Variants in RALGAPA1 observed in about 807,000 individuals in gnomAD.
RALGAPA1 encodes the protein ral GTPase-activating protein subunit alpha-1.
In RALGAPA1, 52 loss-of-function variants were observed where a neutral mutation model predicts 269.6. The ratio of observed to expected loss-of-function variants is 0.19; its 90% CI spans 0.15 to 0.24. RALGAPA1 has a LOEUF of 0.24. Ranked by LOEUF, RALGAPA1 falls within the 10% of genes least tolerant of loss-of-function variation. The pLI, the probability that RALGAPA1 is intolerant of heterozygous loss-of-function variation, is 1.00. For missense variants in RALGAPA1, 1,917 were observed against 3,013.9 expected, an observed-to-expected ratio of 0.64 and a Z score of 8.52; for synonymous variants, 817 against 1,008.3, an observed-to-expected ratio of 0.81 and a Z score of 3.60.
rs771974534 is a variant in RALGAPA1 at position 35,775,025 on chromosome 14, G to A, written c.248C>T (p.Ala83Val). The A allele has an allele frequency of 6.4e-7, 1 of 1,571,138 alleles. No individual in the cohort carries two copies. Among genetic ancestry groups the A allele is most frequent in the East Asian group, 2.3e-5 (1 of 44,084 alleles). The change falls in exon 3 of 42, where the codon GCT (alanine) becomes GTT (valine). Residue 83 changes from alanine (A) to valine (V), a missense_variant. Physicochemically the swap from Ala to Val is moderately conservative, Grantham distance 64. This residue lies in a region of RALGAPA1 where 462 missense variants were observed against 725.6 expected (regional missense o/e 0.64). Transcript: ENST00000680220. Reference sequence around the variant, plus strand: ...ACTTACCTCAAAAATAAAAAGTATAGCATCCAATTCCTCTCTTTGAGACTT... The same window carrying A: ...ACTTACCTCAAAAATAAAAAGTATAACATCCAATTCCTCTCTTTGAGACTT... The part of the protein sequence containing the change: ...GHKSQREELD[A>V]ILFIFEKILQ...
intron 8 of RALGAPA1, 126 bp from the exon 9 acceptor site, chr14:35,750,816 C>T (rs944733622): frequency 1.3e-6 from 1 of 794,564 alleles, no homozygotes; most frequent in African/African-American, 1.7e-5. Flanking sequence ...AGCTTTAGCA[C>T]AGAAATGACA....
intron 33 of RALGAPA1, among the ~76,000 whole-genome samples, chr14:35,628,406 C>G (rs1165001583): frequency 1.3e-5 from 2 of 152,010 alleles, no homozygotes; most frequent in Admixed American, 6.6e-5. Context: ...CTAAAATTAG[C>G]CCAGTGTGGT....
At chr14:35,593,064 T>C (rs550045903) in intron 37 of RALGAPA1, among the ~76,000 whole-genome samples, 2 of 152,162 alleles carry the variant, frequency 1.3e-5, no homozygotes, top group Admixed American at 6.6e-5. Flanking sequence ...AGTGAAATTA[T>C]CTTTATTTGC....
chr14:35,769,418 A>C (rs140937872), intron 4 of RALGAPA1, among the ~76,000 whole-genome samples: 96 of 152,236 alleles, frequency 6.3e-4, no homozygotes, highest in African/African-American at 2.3e-3. Flanking sequence ...CATGGACGTA[A>C]AAATGGCAAT....
At chr14:35,622,603 A>G (rs2139519198) in intron 35 of RALGAPA1, among the ~76,000 whole-genome samples, 1 of 152,376 alleles carries the variant, frequency 6.6e-6, no homozygotes, top group East Asian at 1.9e-4. Flanking sequence ...ACAGAAATAA[A>G]CAGCTGTGAA....
At chr14:35,602,611 C>T (rs2059359776) in intron 36 of RALGAPA1, among the ~76,000 whole-genome samples, 1 of 152,146 alleles carries the variant, frequency 6.6e-6, no homozygotes, top group Non-Finnish European at 1.5e-5. Flanking sequence ...TATATCTTTT[C>T]TGGCGAAATG....
chr14:35,762,251 TTTTTGTTTTTG>T (rs1429222736), intron 5 of RALGAPA1, among the ~76,000 whole-genome samples: 7 of 151,898 alleles, frequency 4.6e-5, no homozygotes, highest in African/African-American at 1.7e-4. Flanking sequence ...CTACGTTTTT[TTTTTGTTTTTG>T]TTTTTGTTTT....
intron 16 of RALGAPA1, among the ~76,000 whole-genome samples, chr14:35,705,323 C>T (rs1482063077): frequency 1.3e-5 from 2 of 152,046 alleles, no homozygotes; most frequent in African/African-American, 4.8e-5. Context: ...CCTATTCATC[C>T]CTTCTTCTAG....
Position 35,672,875 on chromosome 14 carries a change from T to A in RALGAPA1, c.5065A>T (p.Ile1689Phe). The change falls in exon 25 of 42, where the codon ATT (isoleucine) becomes TTT (phenylalanine). Residue 1689 changes from isoleucine (I) to phenylalanine (F), a missense_variant. Physicochemically the swap from Ile to Phe is conservative, Grantham distance 21 (BLOSUM62 0). This residue lies in a region of RALGAPA1 where 346 missense variants were observed against 566.1 expected (regional missense o/e 0.61). Coordinates refer to ENST00000680220, the MANE Select transcript of RALGAPA1 (RefSeq NM_001346249.2). ...YNIMHCGLLH[I>F]DQDIVNTIIK... ...CATATATATATAGTTACCTGGTCAA[T>A]ATGAAGTAATCCACAATGCATTATA... 6.5e-7 allele frequency: 1 copy of A among 1,541,946 alleles called. No individual in the cohort carries two copies. The highest frequency in any genetic ancestry group is 2.4e-4 in the Middle Eastern group (1 of 4,238).
At chr14:35,786,025 T>TGCA (rs1268259295) in intron 1 of RALGAPA1, among the ~76,000 whole-genome samples, 1 of 151,968 alleles carries the variant, frequency 6.6e-6, no homozygotes, top group Non-Finnish European at 1.5e-5. Flanking sequence ...GGCGTGGTAG[T>TGCA]GCACACCTAT....
chr14:35,549,456 C>T (rs1207229584), intron 39 of RALGAPA1, among the ~76,000 whole-genome samples: 1 of 152,036 alleles, frequency 6.6e-6, no homozygotes, highest in Non-Finnish European at 1.5e-5. Flanking sequence ...GACAACTTAA[C>T]AGGGAGACAT....
intron 29 of RALGAPA1, 95 bp from the exon 30 acceptor site, chr14:35,654,572 G>T: frequency 7.3e-7 from 1 of 1,376,928 alleles, no homozygotes; most frequent in African/African-American, 1.5e-5. Flanking sequence ...TACATTTGTA[G>T]GATTATAAAT....
At chr14:35,734,079 C>T (rs1183483336) in intron 12 of RALGAPA1, among the ~76,000 whole-genome samples, 1 of 152,084 alleles carries the variant, frequency 6.6e-6, no homozygotes, top group African/African-American at 2.4e-5. Flanking sequence ...GCAAACACAT[C>T]CCATGCTCAT....
At position 35,688,513 on chromosome 14, in the gene RALGAPA1, G is replaced by C; in HGVS notation, c.3898C>G (p.Pro1300Ala). The change falls in exon 18 of 42, where the codon CCA (proline) becomes GCA (alanine). Residue 1300 changes from proline to alanine, a missense_variant. This residue lies in a region of RALGAPA1 where 615 missense variants were observed against 790.0 expected (regional missense o/e 0.78). Transcript: ENST00000680220. Reference protein sequence around the residue: ...QRQNRMPPEAPLRDLYSHVMG... With the variant: ...QRQNRMPPEAALRDLYSHVMG... Reference sequence around the variant, plus strand: ...ACATGACTGTACAGATCCCTCAGTGGAGCCTCTGGTGGCATTCTGTTCTGC... The same window carrying C: ...ACATGACTGTACAGATCCCTCAGTGCAGCCTCTGGTGGCATTCTGTTCTGC... 1 of 1,536,120 alleles carries C rather than the reference G, an allele frequency of 6.5e-7. No homozygotes were observed. The highest frequency in any genetic ancestry group is 8.7e-7 in the Non-Finnish European group (1 of 1,146,894).
intron 1 of RALGAPA1, among the ~76,000 whole-genome samples, chr14:35,783,021 C>T (rs1237148763): frequency 6.6e-6 from 1 of 151,356 alleles, no homozygotes; most frequent in African/African-American, 2.4e-5. Context: ...CAGGCATTGC[C>T]ACATGTTGCC....
At chr14:35,798,040 T>G (rs2076705825) in intron 1 of RALGAPA1, among the ~76,000 whole-genome samples, 1 of 151,202 alleles carries the variant, frequency 6.6e-6, no homozygotes. Context: ...ATCTGCATAA[T>G]TTTTGTGCTT....
chr14:35,561,183 C>T (rs934275168), intron 39 of RALGAPA1, among the ~76,000 whole-genome samples: 36 of 137,064 alleles, frequency 2.6e-4, no homozygotes, highest in African/African-American at 8.6e-4. Flanking sequence ...GCCGAGATGG[C>T]GCCACTGCAC....
At chr14:35,578,651 A>G (rs1236682227) in intron 37 of RALGAPA1, among the ~76,000 whole-genome samples, 2 of 152,240 alleles carry the variant, frequency 1.3e-5, no homozygotes, top group Non-Finnish European at 2.9e-5. Flanking sequence ...ACTATTAAAA[A>G]GATAATATAA....
At position 35,789,208 on chromosome 14, in the gene RALGAPA1, T is replaced by C. The variant is rs1253942674; in HGVS notation, c.107-13463A>G. 2.6e-5 allele frequency among the ~76,000 whole-genome samples: 4 copies of C among 151,708 alleles called. No individual in the cohort carries two copies. In the Admixed American group the frequency reaches 2.6e-4, roughly 10 times the overall value. The stretch of plus-strand genomic sequence containing the variant: ...GACTAGAAGCTTTCAGATATAAGGG[T>C]GATGGGAAGGCAGTCTAGTATAAAT... On this transcript the variant is annotated intron_variant, in intron 1 of 41. Coordinates refer to ENST00000680220, the MANE Select transcript of RALGAPA1 (RefSeq NM_001346249.2).
Sources: gnomAD v4.1 joint callset for allele counts (sites outside exome capture counted in the v4.1 genomes callset) on GRCh38, gnomAD v4.1.1 for gene constraint, gnomAD v4.1.1 regional missense constraint, MANE v1.5 for transcripts, NCBI Gene and HGNC (gene_info 2026-07-23, HGNC 2026-07-21) for gene names.